PDZRN4: variants seen among roughly 807,000 people sequenced by gnomAD.
PDZRN4 encodes the protein PDZ domain containing ring finger 4.
In PDZRN4, 70 loss-of-function variants were observed where a neutral mutation model predicts 99.0. The ratio of observed to expected loss-of-function variants is 0.71; its 90% CI spans 0.58 to 0.86. PDZRN4 has a LOEUF of 0.86. PDZRN4 is among the 40% of genes least tolerant of loss of function. PDZRN4 has a pLI of 0.00. For missense variants in PDZRN4, 1,474 were observed against 1,331.2 expected, an observed-to-expected ratio of 1.11 and a Z score of -1.67; for synonymous variants, 551 against 501.6, an observed-to-expected ratio of 1.10 and a Z score of -1.32.
intron 3 of PDZRN4, among the ~76,000 whole-genome samples, chr12:41,198,737 G>A (rs1026821641): frequency 3.1e-4 from 47 of 151,670 alleles, no homozygotes; most frequent in Admixed American, 2.6e-4. Context: ...TTGTGCACAT[G>A]TACCCTAAAA....
chr12:41,273,786 A>G (rs554968908), intron 3 of PDZRN4, among the ~76,000 whole-genome samples: 2 of 152,230 alleles, frequency 1.3e-5, no homozygotes, highest in East Asian at 1.9e-4. Flanking sequence ...ATTTGCAAAC[A>G]TGTCTTATTA....
At chr12:41,421,554 A>G (rs1423301292) in intron 3 of PDZRN4, among the ~76,000 whole-genome samples, 3 of 152,168 alleles carry the variant, frequency 2.0e-5, no homozygotes, top group African/African-American at 7.2e-5. Context: ...ACTCTCTTAC[A>G]TGGAAACCTT....
At chr12:41,474,544 C>G (rs777685544) in intron 3 of PDZRN4, among the ~76,000 whole-genome samples, 1 of 152,328 alleles carries the variant, frequency 6.6e-6, no homozygotes, top group Non-Finnish European at 1.5e-5. Context: ...AACTCAAACA[C>G]AGGAGGCTTT....
At chr12:41,476,153 T>C (rs536350110) in intron 3 of PDZRN4, among the ~76,000 whole-genome samples, 6 of 152,338 alleles carry the variant, frequency 3.9e-5, no homozygotes, top group Non-Finnish European at 7.3e-5. Context: ...ATGATTATGA[T>C]TTTGAAAACT....
intron 3 of PDZRN4, among the ~76,000 whole-genome samples, chr12:41,277,538 A>G (rs1191948385): frequency 6.6e-6 from 1 of 152,046 alleles, no homozygotes; most frequent in African/African-American, 2.4e-5. Context: ...TCTTATCCCA[A>G]TCTCTTTCTC....
chr12:41,422,186 G>A (rs1952495501), intron 3 of PDZRN4, among the ~76,000 whole-genome samples: 1 of 152,074 alleles, frequency 6.6e-6, no homozygotes, highest in African/African-American at 2.4e-5. Context: ...TAGGGAAATA[G>A]TTAAATGAAT....
At chr12:41,523,351 C>T (rs1255534896) in intron 5 of PDZRN4, among the ~76,000 whole-genome samples, 3 of 152,008 alleles carry the variant, frequency 2.0e-5, no homozygotes, top group Non-Finnish European at 2.9e-5. Context: ...AGGAGCATAG[C>T]TATAGGTTTG....
chr12:41,460,683 C>T (rs1187889799), intron 3 of PDZRN4, among the ~76,000 whole-genome samples: 1 of 152,156 alleles, frequency 6.6e-6, no homozygotes, highest in East Asian at 1.9e-4. Context: ...ACTCAATGTT[C>T]ACAAACCATA....
At chr12:41,538,890 T>C (rs941019615) in intron 5 of PDZRN4, among the ~76,000 whole-genome samples, 3 of 152,024 alleles carry the variant, frequency 2.0e-5, no homozygotes, top group African/African-American at 7.2e-5. Flanking sequence ...TGTGTGACAG[T>C]ATATACATTC....
At chr12:41,534,028 T>A (rs1054841389) in intron 5 of PDZRN4, among the ~76,000 whole-genome samples, 1 of 152,218 alleles carries the variant, frequency 6.6e-6, no homozygotes, top group African/African-American at 2.4e-5. Flanking sequence ...CAAAATTAAT[T>A]AATTCTTTTA....
intron 5 of PDZRN4, among the ~76,000 whole-genome samples, chr12:41,549,644 G>T (rs1432757581): frequency 2.0e-5 from 3 of 152,136 alleles, no homozygotes; most frequent in African/African-American, 7.2e-5. Context: ...CTTGCATTAA[G>T]GCTTTGTATT....
At chr12:41,284,705 A>C (rs1951411383) in intron 3 of PDZRN4, among the ~76,000 whole-genome samples, 1 of 152,206 alleles carries the variant, frequency 6.6e-6, no homozygotes, top group Non-Finnish European at 1.5e-5. Context: ...ATAATGCCAC[A>C]CACCTAAAAC....
chr12:41,295,571 G>A (rs1425486164), intron 3 of PDZRN4, among the ~76,000 whole-genome samples: 1 of 151,886 alleles, frequency 6.6e-6, no homozygotes, highest in African/African-American at 2.4e-5. Flanking sequence ...GAAAATAATG[G>A]CCTAAATATG....
At chr12:41,433,711 A>G (rs1055090970) in intron 3 of PDZRN4, among the ~76,000 whole-genome samples, 8 of 152,226 alleles carry the variant, frequency 5.3e-5, no homozygotes, top group Admixed American at 5.2e-4. Context: ...AATTTATGAC[A>G]GCTGTCACAG....
chr12:41,404,138 T>A (rs1463725164), intron 3 of PDZRN4, among the ~76,000 whole-genome samples: 1 of 152,208 alleles, frequency 6.6e-6, no homozygotes, highest in Non-Finnish European at 1.5e-5. Context: ...TTATGCTGTA[T>A]CATTTTTATT....
intron 3 of PDZRN4, among the ~76,000 whole-genome samples, chr12:41,302,051 T>C (rs1951539845): frequency 6.6e-6 from 1 of 152,122 alleles, no homozygotes; most frequent in South Asian, 2.1e-4. Flanking sequence ...ATAGAATATT[T>C]CATATAACAT....
Position 41,188,335 on chromosome 12 carries a change from C to A in PDZRN4, c.-121C>A, listed in dbSNP as rs373596410. On this transcript the variant is annotated 5_prime_UTR_variant, in exon 1 of 10. Coordinates refer to ENST00000402685, the MANE Select transcript of PDZRN4 (RefSeq NM_001164595.2). ...AAACAGTGAGATCACACCTCCCACC[C>A]GCCACCTCCCTCCACTGCCGCCGCC... The A allele has an allele frequency of 1.1e-6, 1 of 894,188 alleles. No individual in the cohort carries two copies. Among genetic ancestry groups the A allele is most frequent in the Non-Finnish European group, 1.6e-6 (1 of 612,560 alleles). The allele number at this position is 894,188 out of a possible 1,614,324, so 55.4% of individuals were successfully genotyped here. A position where few individuals can be genotyped will look rare whatever the true frequency, so the allele number is the denominator to read the frequency against.
intron 7 of PDZRN4, among the ~76,000 whole-genome samples, chr12:41,561,609 CTATA>C (rs3075048): frequency 0.42 from 61,400 of 145,052 alleles, 13,117 homozygotes; most frequent in Admixed American, 0.53. Flanking sequence ...TATATAAAGA[CTATA>C]TATATATATA....
At chr12:41,398,978 C>G (rs1261428905) in intron 3 of PDZRN4, among the ~76,000 whole-genome samples, 1 of 152,128 alleles carries the variant, frequency 6.6e-6, no homozygotes, top group Non-Finnish European at 1.5e-5. Context: ...AAAACACTCT[C>G]AGCTGTAAAA....
Sources: gnomAD v4.1 joint callset for allele counts (sites outside exome capture counted in the v4.1 genomes callset) on GRCh38, gnomAD v4.1.1 for gene constraint, MANE v1.5 for transcripts, NCBI Gene and HGNC (gene_info 2026-07-23, HGNC 2026-07-21) for gene names.